ITGB3BP: variants seen among roughly 807,000 people sequenced by gnomAD.
ITGB3BP encodes the protein centromere protein R.
A neutral mutation model predicts 29.1 loss-of-function variants in ITGB3BP; 27 were observed. That is an observed-to-expected ratio of 0.93 (90% CI 0.68 to 1.28). ITGB3BP has a LOEUF of 1.28. ITGB3BP is among the 50% of genes most tolerant of loss of function. ITGB3BP has a pLI of 0.00. For missense variants in ITGB3BP, 192 were observed against 200.2 expected, an observed-to-expected ratio of 0.96 and a Z score of 0.25; for synonymous variants, 61 against 61.4, an observed-to-expected ratio of 0.99 and a Z score of 0.03.
At position 63,472,258 on chromosome 1, in the gene ITGB3BP, C is replaced by T. The variant is rs144835452; in HGVS notation, c.254+6506G>A. 4.1e-4 allele frequency among the ~76,000 whole-genome samples: 62 copies of T among 151,740 alleles called. No individual in the cohort carries two copies. The East Asian group carries it at 0.012, about 29-fold the overall frequency. On this transcript the variant is annotated intron_variant, in intron 4 of 8. Transcript: ENST00000271002. ...TAAATTTGTATAGTGTAGGACCAAA[C>T]ACTGAATCTACAGTGACTCCATCAA... is the stretch of plus-strand genomic sequence containing the variant.
chr1:63,468,988 T>C (rs943333579), intron 4 of ITGB3BP, among the ~76,000 whole-genome samples: 5 of 151,202 alleles, frequency 3.3e-5, no homozygotes, highest in Non-Finnish European at 7.4e-5. Context: ...GAGGTGGAGG[T>C]TGCAGTGAAC....
intron 2 of ITGB3BP, among the ~76,000 whole-genome samples, chr1:63,499,742 T>A (rs1166491806): frequency 6.6e-6 from 1 of 152,158 alleles, no homozygotes; most frequent in Non-Finnish European, 1.5e-5. Context: ...AAAGCACACA[T>A]GATCATCTCA....
intron 1 of ITGB3BP, among the ~76,000 whole-genome samples, chr1:63,515,954 T>C (rs1360480190): frequency 6.6e-6 from 1 of 151,568 alleles, no homozygotes; most frequent in Non-Finnish European, 1.5e-5. Context: ...GTAGCACTAT[T>C]CACAACAGCA....
At chr1:63,525,695 T>G (rs1304235863), upstream of ITGB3BP, 2 of 1,599,538 alleles carry the variant, frequency 1.3e-6, no homozygotes, top group East Asian at 2.3e-5. Flanking sequence ...ATTGTAGAGC[T>G]GCCTACTTAA....
Position 63,494,694 on chromosome 1 carries a change from C to T in ITGB3BP, c.49-4476G>A, listed in dbSNP as rs571230772. ...AGAAAAATAAAATACTGGCTAAAAA[C>T]GTTGATGCACTGGTTTTTCTATTTG... On this transcript the variant is annotated intron_variant, in intron 2 of 8. Coordinates refer to ENST00000271002, the MANE Select transcript of ITGB3BP (RefSeq NM_014288.5). Among the ~76,000 whole-genome samples the T allele has an allele frequency of 3.4e-4, 51 of 152,164 alleles. No homozygotes were observed. In the South Asian group the frequency reaches 9.9e-3, roughly 30 times the overall value.
Position 63,493,417 on chromosome 1 carries a change from AAAACAAACAAAC to A in ITGB3BP, c.49-3211_49-3200del, listed in dbSNP as rs60111018. Reference sequence around the variant, plus strand: ...GCGACACAGGGAGATTCTGTCTCAAAAAACAAACAAACAAACAAACAAACAAACAAACAAACA... The same window carrying A: ...GCGACACAGGGAGATTCTGTCTCAAAAAACAAACAAACAAACAAACAAACA... On this transcript the variant is annotated intron_variant, in intron 2 of 8. Coordinates refer to ENST00000271002, the MANE Select transcript of ITGB3BP (RefSeq NM_014288.5). 2.4e-3 allele frequency among the ~76,000 whole-genome samples: 354 copies of A among 145,582 alleles called. 10 individuals are homozygous for A. The South Asian group carries it at 0.061, about 25-fold the overall frequency.
At chr1:63,465,791 A>G (rs1416557555) in intron 4 of ITGB3BP, among the ~76,000 whole-genome samples, 1 of 152,164 alleles carries the variant, frequency 6.6e-6, no homozygotes, top group African/African-American at 2.4e-5. Context: ...TGTTTGAATA[A>G]ACAAAACTAT....
At chr1:63,468,541 C>T (rs1645139089) in intron 4 of ITGB3BP, among the ~76,000 whole-genome samples, 1 of 151,534 alleles carries the variant, frequency 6.6e-6, no homozygotes, top group Admixed American at 6.6e-5. Context: ...TCCTGGCCCA[C>T]ATGGTGAAAG....
chr1:63,464,654 C>T (rs143658437), intron 4 of ITGB3BP, among the ~76,000 whole-genome samples: 1 of 152,168 alleles, frequency 6.6e-6, no homozygotes, highest in Admixed American at 6.5e-5. Context: ...TGACAAAGTA[C>T]CTCCCCACAA....
intron 1 of ITGB3BP, among the ~76,000 whole-genome samples, chr1:63,521,349 T>A (rs71643681): frequency 1.3e-5 from 2 of 152,116 alleles, no homozygotes; most frequent in African/African-American, 2.4e-5. Context: ...AACTGTTGAT[T>A]TAGTCTTAAA....
rs141772444 is a variant in ITGB3BP at position 63,487,896 on chromosome 1, G to A, written c.184+2187C>T. Among the ~76,000 whole-genome samples the A allele has an allele frequency of 7.9e-3, 1,198 of 152,124 alleles. 13 individuals carry two copies. Among genetic ancestry groups the A allele is most frequent in the African/African-American group, 0.026 (1,078 of 41,528 alleles). On this transcript the variant is annotated intron_variant, in intron 3 of 8. Coordinates refer to ENST00000271002, the MANE Select transcript of ITGB3BP (RefSeq NM_014288.5). ...GTGCTACAATGTTATGACGGCTACC[G>A]GGCAACTAAGCAATAGGAATTTTTC...
chr1:63,519,956 C>T (rs1196202538), intron 1 of ITGB3BP, among the ~76,000 whole-genome samples: 1 of 152,132 alleles, frequency 6.6e-6, no homozygotes, highest in East Asian at 1.9e-4. Flanking sequence ...GCTATTCCAA[C>T]TTTATAGCTT....
chr1:63,485,873 TAC>T (rs775814829), intron 3 of ITGB3BP, among the ~76,000 whole-genome samples: 13 of 152,084 alleles, frequency 8.5e-5, no homozygotes, highest in Non-Finnish European at 1.9e-4. Flanking sequence ...ATGTTCTACA[TAC>T]AGTTTTATCA....
At chr1:63,451,305 TAAC>T (rs1458628100) in intron 7 of ITGB3BP, among the ~76,000 whole-genome samples, 1 of 151,936 alleles carries the variant, frequency 6.6e-6, no homozygotes, top group African/African-American at 2.4e-5. Flanking sequence ...ATAATTACCT[TAAC>T]AAATCCTATA....
At chr1:63,465,878 T>G (rs896967679) in intron 4 of ITGB3BP, among the ~76,000 whole-genome samples, 37 of 152,120 alleles carry the variant, frequency 2.4e-4, no homozygotes, top group African/African-American at 8.9e-4. Flanking sequence ...ATTTTTTATT[T>G]ATTTTAATTA....
intron 2 of ITGB3BP, among the ~76,000 whole-genome samples, chr1:63,507,275 G>A (rs912394397): frequency 2.6e-5 from 4 of 152,136 alleles, no homozygotes; most frequent in Admixed American, 2.6e-4. Context: ...TCTGTTGAAA[G>A]GTACAGAACT....
intron 2 of ITGB3BP, among the ~76,000 whole-genome samples, chr1:63,502,494 C>A (rs1039012736): frequency 7.1e-6 from 1 of 141,268 alleles, no homozygotes; most frequent in Non-Finnish European, 1.5e-5. Flanking sequence ...AGAATCATGG[C>A]GGGAGGCAAA....
At chr1:63,501,575 T>A (rs1645930856) in intron 2 of ITGB3BP, among the ~76,000 whole-genome samples, 1 of 151,942 alleles carries the variant, frequency 6.6e-6, no homozygotes. Context: ...CTTAGAAGTG[T>A]CTTACTGCCA....
intron 1 of ITGB3BP, among the ~76,000 whole-genome samples, chr1:63,516,857 A>G (rs1298122298): frequency 1.3e-5 from 2 of 152,156 alleles, no homozygotes; most frequent in African/African-American, 4.8e-5. Context: ...GAAGTATGGG[A>G]GGAAGGTGAG....
Sources: allele counts gnomAD v4.1 joint callset (sites outside exome capture counted in the v4.1 genomes callset), GRCh38; gene constraint gnomAD v4.1.1; transcripts MANE v1.5; gene names NCBI Gene and HGNC (gene_info 2026-07-23, HGNC 2026-07-21).